The following C2CD5 variants were observed in gnomAD, a reference collection of about 807,000 sequenced individuals.
C2CD5 encodes the protein C2 calcium dependent domain containing 5, also known as C2 domain-containing protein 5.
C2CD5 carries 109 observed loss-of-function variants against 130.3 expected under a neutral mutation model. That is an observed-to-expected ratio of 0.84 (90% CI 0.72 to 0.98). The LOEUF (loss-of-function observed/expected upper bound fraction) is 0.98. Ranked by LOEUF, C2CD5 falls within the 50% of genes least tolerant of loss-of-function variation. The probability of loss-of-function intolerance (pLI) is 0.00; values close to 1 mark genes in which losing one functional copy is unlikely to be tolerated. For missense variants in C2CD5, 996 were observed against 1,261.8 expected, an observed-to-expected ratio of 0.79 and a Z score of 3.19; for synonymous variants, 454 against 429.2, an observed-to-expected ratio of 1.06 and a Z score of -0.71.
chr12:22,498,474 ATT>A (rs1187866598), intron 10 of C2CD5, among the ~76,000 whole-genome samples: 1 of 152,210 alleles, frequency 6.6e-6, no homozygotes, highest in African/African-American at 2.4e-5. Context: ...GCTGACCCAC[ATT>A]TTGTTACCAT....
Position 22,449,597 on chromosome 12 carries a change from A to T in C2CD5, c.*163T>A. ...TAGAACAGGCAAACAAAATGTCAAG[A>T]TTAGAAAATTCTCATGCCTCCAAAA... On this transcript the variant is annotated 3_prime_UTR_variant, in exon 27 of 27. Transcript: ENST00000446597. 1.7e-6 allele frequency: 1 copy of T among 592,906 alleles called. No homozygotes were observed. Among genetic ancestry groups the T allele is most frequent in the South Asian group, 2.9e-5 (1 of 35,018 alleles). 36.7% of individuals were successfully genotyped at this position (592,906 alleles called of 1,614,324 possible).
At chr12:22,466,579 C>T (rs1453948882) in intron 22 of C2CD5, among the ~76,000 whole-genome samples, 1 of 152,038 alleles carries the variant, frequency 6.6e-6, no homozygotes, top group Non-Finnish European at 1.5e-5. Flanking sequence ...TTTTTCAGAC[C>T]TTTTCAAAAC....
At position 22,518,107 on chromosome 12, in the gene C2CD5, A is replaced by T. The variant is rs898342168; in HGVS notation, c.831T>A (p.Asn277Lys). 26 of 1,613,708 alleles carry T rather than the reference A, an allele frequency of 1.6e-5. No homozygotes were observed. The highest frequency in any genetic ancestry group is 2.1e-5 in the Non-Finnish European group (25 of 1,179,786). The change falls in exon 8 of 27, where the codon AAT (asparagine) becomes AAA (lysine). Residue 277 changes from asparagine to lysine, a missense_variant. Asn to Lys is a moderately conservative substitution (Grantham distance 94). Around this residue, in one of 9 missense-constraint regions of C2CD5, gnomAD observed 156 missense variants for 165.9 expected, o/e 0.94. Transcript: ENST00000446597. ...GGGTTGAGGGTCCTGATGAGTGAGT[A>T]TTGGGATTGGGATCTTCATTGAAGG... is the stretch of plus-strand genomic sequence containing the variant. ...EIPFNEDPNP[N>K]THSSGPSTPL...
At chr12:22,535,189 C>A in intron 3 of C2CD5, 69 bp downstream of exon 3, 1 of 834,888 alleles carries the variant, frequency 1.2e-6, no homozygotes, top group South Asian at 1.4e-5. Context: ...AAAAGGTTCT[C>A]ATTATTCCTG....
At chr12:22,466,186 T>G (rs1321623942) in intron 22 of C2CD5, among the ~76,000 whole-genome samples, 1 of 152,034 alleles carries the variant, frequency 6.6e-6, no homozygotes, top group African/African-American at 2.4e-5. Context: ...AAACATACTA[T>G]GCTTAGCTCT....
intron 3 of C2CD5, among the ~76,000 whole-genome samples, chr12:22,533,780 C>CT (rs1951545091): frequency 6.6e-6 from 1 of 152,232 alleles, no homozygotes; most frequent in Non-Finnish European, 1.5e-5. Flanking sequence ...GCCATTTGAA[C>CT]ATAACCACCT....
intron 10 of C2CD5, chr12:22,497,678 A>C: frequency 1.2e-4 from 61 of 521,998 alleles, no homozygotes; most frequent in Non-Finnish European, 1.5e-4. Flanking sequence ...ATATAATCTC[A>C]AACTGGGTGG....
At chr12:22,491,842 A>G (rs1358108022) in intron 11 of C2CD5, among the ~76,000 whole-genome samples, 1 of 150,832 alleles carries the variant, frequency 6.6e-6, no homozygotes. Context: ...ATTGCACTCC[A>G]GCCTGAGTGA....
Position 22,449,126 on chromosome 12 carries a change from T to G in C2CD5, c.*634A>C, listed in dbSNP as rs1938000310. ...TTTCCTCCCTCCTTAGAGACAGTAT[T>G]ACAACTTTCAATGAAAGGACACCAG... On this transcript the variant is annotated 3_prime_UTR_variant, in exon 27 of 27. Transcript: ENST00000446597. The G allele has an allele frequency of 6.6e-6, 1 of 152,158 alleles. No homozygotes were observed. Among genetic ancestry groups the G allele is most frequent in the Non-Finnish European group, 1.5e-5 (1 of 68,000 alleles). The allele number at this position is 152,158 out of a possible 1,614,324, so 9.4% of individuals were successfully genotyped here.
In C2CD5 at chr12:22,449,818, G is replaced by A. The variant is rs749712962; in HGVS notation, c.3098C>T (p.Ser1033Phe). ...CTGGCAGTTGGTAGTAGGTTGCTGA[G>A]ATGACACCACTTCTAAGTCAGATTC... is the stretch of plus-strand genomic sequence containing the variant. ...VRESDLEVVS[S>F]QQPTTNCQSS... The change falls in exon 27 of 27, where the codon TCT becomes TTT. Residue 1033 changes from serine (S) to phenylalanine (F), a missense_variant. This residue lies in a region of C2CD5 where 48 missense variants were observed against 46.4 expected (regional missense o/e 1.03). Transcript: ENST00000446597. 6.2e-7 allele frequency: 1 copy of A among 1,611,166 alleles called. No individual in the cohort carries two copies. The highest frequency in any genetic ancestry group is 8.5e-7 in the Non-Finnish European group (1 of 1,177,804).
At chr12:22,459,341 G>T in intron 23 of C2CD5, 151 bp downstream of exon 23, 1 of 464,082 alleles carries the variant, frequency 2.2e-6, no homozygotes, top group Non-Finnish European at 3.8e-6. Context: ...GCTTTTAAAA[G>T]AACATATTCT....
intron 25 of C2CD5, among the ~76,000 whole-genome samples, chr12:22,454,931 A>G (rs542399291): frequency 1.3e-5 from 2 of 152,274 alleles, no homozygotes; most frequent in South Asian, 4.1e-4. Context: ...TACTTTTCCC[A>G]TATTGAAAAA....
intron 11 of C2CD5, 47 bp downstream of exon 11, chr12:22,493,176 G>A (rs1466146512): frequency 9.8e-7 from 1 of 1,021,312 alleles, no homozygotes; most frequent in Non-Finnish European, 1.5e-6. Flanking sequence ...CTTTCAGATG[G>A]CAGTCTAAAT....
intron 13 of C2CD5, 116 bp from the exon 14 acceptor site, chr12:22,482,859 T>C: frequency 1.4e-6 from 1 of 711,156 alleles, no homozygotes; most frequent in Non-Finnish European, 2.4e-6. Flanking sequence ...TCTAATGGGC[T>C]TACTGAGTTA....
intron 9 of C2CD5, among the ~76,000 whole-genome samples, chr12:22,511,783 G>A (rs956936004): frequency 1.3e-5 from 2 of 152,124 alleles, no homozygotes; most frequent in South Asian, 4.1e-4. Flanking sequence ...CAACATACAA[G>A]TAAAATCTTA....
At chr12:22,505,086 A>C (rs1948318888) in intron 10 of C2CD5, among the ~76,000 whole-genome samples, 1 of 152,124 alleles carries the variant, frequency 6.6e-6, no homozygotes, top group South Asian at 2.1e-4. Flanking sequence ...GGTCCAGAGA[A>C]TTCTAGTCTT....
chr12:22,502,610 G>A (rs1338552569), intron 10 of C2CD5: 5 of 501,002 alleles, frequency 1.0e-5, no homozygotes, highest in Admixed American at 3.7e-5. Context: ...TATTACATAC[G>A]TAGCACAGAA....
chr12:22,536,862 A>G (rs1951865319), intron 2 of C2CD5, among the ~76,000 whole-genome samples: 1 of 152,176 alleles, frequency 6.6e-6, no homozygotes. Context: ...TTTAATCACA[A>G]TGATAAAGAA....
In C2CD5 at chr12:22,527,803, C is replaced by T. The variant is rs1380843614; in HGVS notation, c.267G>A (p.Val89=). 6 of 1,609,162 alleles carry T rather than the reference C, an allele frequency of 3.7e-6. No homozygotes were observed. The highest frequency in any genetic ancestry group is 2.7e-5 in the African/African-American group (2 of 74,770). Residue 89 remains valine (V), a synonymous_variant, in exon 4 of 27, where the codon GTG becomes GTA. Transcript: ENST00000446597. The part of the protein sequence containing the change: ...TYSANDAIGK[V]YIDIDPLLYS... ...ACAGTAAAGGATCAATATCAATGTA[C>T]ACTTTACCAATGGCATCATTTGCAC...
Sources: gnomAD v4.1 joint callset for allele counts (sites outside exome capture counted in the v4.1 genomes callset) on GRCh38, gnomAD v4.1.1 for gene constraint, gnomAD v4.1.1 regional missense constraint, MANE v1.5 for transcripts, NCBI Gene and HGNC (gene_info 2026-07-23, HGNC 2026-07-21) for gene names.